Variants in MAPK10 observed in about 807,000 individuals in gnomAD.
The protein encoded by MAPK10 is JNK3 alpha protein kinase.
A neutral mutation model predicts 59.3 loss-of-function variants in MAPK10; 25 were observed. The observed-to-expected ratio is 0.42, with a 90% CI of 0.31 to 0.59. The LOEUF is 0.59. MAPK10 is among the 20% of genes least tolerant of loss of function. The pLI, the probability that MAPK10 is intolerant of heterozygous loss-of-function variation, is 0.15. For synonymous variants in MAPK10, 190 were observed against 200.5 expected (o/e 0.95, Z 0.44); for missense variants, 351 against 568.9 (o/e 0.62, Z 3.90).
At chr4:86,168,514 C>T (rs1037723674) in intron 3 of MAPK10, among the ~76,000 whole-genome samples, 1 of 152,214 alleles carries the variant, frequency 6.6e-6, no homozygotes, top group African/African-American at 2.4e-5. Context: ...GGGGGAGAGG[C>T]GCCCGCCATT....
At chr4:86,053,681 T>C (rs1249975302) in intron 11 of MAPK10, among the ~76,000 whole-genome samples, 1 of 152,168 alleles carries the variant, frequency 6.6e-6, no homozygotes, top group Non-Finnish European at 1.5e-5. Context: ...AAAATATATA[T>C]TTTTTTCTCC....
At chr4:86,457,107 TC>T (rs574087333), upstream of MAPK10, among the ~76,000 whole-genome samples, 1,056 of 152,260 alleles carry the variant, frequency 6.9e-3, 10 homozygotes, top group African/African-American at 0.023. Flanking sequence ...AAATCTAGCA[TC>T]CCTTTATGAT....
At chr4:86,417,763 T>C (rs1746033261) in intron 1 of MAPK10, among the ~76,000 whole-genome samples, 2 of 152,244 alleles carry the variant, frequency 1.3e-5, no homozygotes, top group Non-Finnish European at 2.9e-5. Context: ...AGGCAGTTCC[T>C]GCTGCCCCAC....
At chr4:86,373,596 A>C (rs1437315083) in intron 1 of MAPK10, among the ~76,000 whole-genome samples, 1 of 152,248 alleles carries the variant, frequency 6.6e-6, no homozygotes, top group African/African-American at 2.4e-5. Flanking sequence ...TGGGTGAAGG[A>C]TATGAACAGA....
chr4:86,079,889 T>G (rs2050272771), intron 9 of MAPK10: 1 of 152,100 alleles, frequency 6.6e-6, no homozygotes, highest in Non-Finnish European at 1.5e-5. Flanking sequence ...GATATTTAAA[T>G]TTAAAAAGGA....
intron 2 of MAPK10, among the ~76,000 whole-genome samples, chr4:86,232,916 G>A (rs1363214603): frequency 1.5e-5 from 2 of 129,144 alleles, no homozygotes; most frequent in Non-Finnish European, 3.1e-5. Context: ...AGGTATGGAG[G>A]TATGTCATGG....
At chr4:86,480,297 T>TC (rs1753496537) in intron 1 of MAPK10, among the ~76,000 whole-genome samples, 1 of 148,400 alleles carries the variant, frequency 6.7e-6, no homozygotes, top group African/African-American at 2.4e-5. Flanking sequence ...CTCAAAAATC[T>TC]CCCCCACTGA....
chr4:86,320,933 C>A (rs2095876413), intron 2 of MAPK10, among the ~76,000 whole-genome samples: 1 of 151,772 alleles, frequency 6.6e-6, no homozygotes, highest in South Asian at 2.1e-4. Context: ...AGGACATGAA[C>A]AGACACTTCT....
chr4:86,520,011 T>C (rs1454661937), intron 1 of MAPK10, among the ~76,000 whole-genome samples: 1 of 152,232 alleles, frequency 6.6e-6, no homozygotes, highest in East Asian at 1.9e-4. Context: ...TTTTCCTTTA[T>C]AAGTTACCTG....
chr4:86,339,554 C>T (rs904458429), intron 2 of MAPK10, among the ~76,000 whole-genome samples: 1 of 152,146 alleles, frequency 6.6e-6, no homozygotes, highest in Non-Finnish European at 1.5e-5. Flanking sequence ...TTTTCTTTTC[C>T]AAATATATTC....
At chr4:86,127,140 C>T (rs2060198128) in intron 4 of MAPK10, among the ~76,000 whole-genome samples, 1 of 144,494 alleles carries the variant, frequency 6.9e-6, no homozygotes, top group Non-Finnish European at 1.5e-5. Context: ...AGTAACACAA[C>T]ATGAATAAAA....
chr4:86,406,702 A>G (rs1351493079), intron 1 of MAPK10, among the ~76,000 whole-genome samples: 1 of 152,208 alleles, frequency 6.6e-6, no homozygotes, highest in East Asian at 1.9e-4. Context: ...GGCCAGCAAA[A>G]GAGACATGGG....
intron 1 of MAPK10, among the ~76,000 whole-genome samples, chr4:86,367,836 T>C (rs1738168477): frequency 6.6e-6 from 1 of 152,038 alleles, no homozygotes; most frequent in Non-Finnish European, 1.5e-5. Context: ...TCGCCAAACA[T>C]CAGTCATCAT....
At position 86,503,107 on chromosome 4, in the gene MAPK10, GC is replaced by G. The variant is rs558176847; in HGVS notation, c.-263+90802del. Among the ~76,000 whole-genome samples the G allele has an allele frequency of 8.8e-3, 1,338 of 152,216 alleles. 6 individuals are homozygous for G. Among genetic ancestry groups the G allele is most frequent in the Non-Finnish European group, 0.014 (956 of 67,978 alleles). On this transcript the variant is annotated intron_variant, in intron 1 of 4. Coordinates refer to the MAPK10 transcript ENST00000502302. ...CAACCTAGATGTCTAGCATTTCAAA[GC>G]CATGTCATCCAAAGTTAAGGGTATC...
intron 1 of MAPK10, among the ~76,000 whole-genome samples, chr4:86,413,462 A>T (rs1169325454): frequency 6.6e-6 from 1 of 152,122 alleles, no homozygotes; most frequent in African/African-American, 2.4e-5. Flanking sequence ...AGGGACATTT[A>T]AGTCTGCAGA....
intron 11 of MAPK10, among the ~76,000 whole-genome samples, chr4:86,047,211 A>G (rs2042658484): frequency 6.6e-6 from 1 of 152,094 alleles, no homozygotes; most frequent in Non-Finnish European, 1.5e-5. Flanking sequence ...TTACACACGA[A>G]TGTGTGTTAC....
At chr4:86,567,722 A>G (rs1031728448) in intron 1 of MAPK10, among the ~76,000 whole-genome samples, 1 of 152,200 alleles carries the variant, frequency 6.6e-6, no homozygotes, top group East Asian at 1.9e-4. Context: ...AGATTCACTG[A>G]CATACGGAGA....
At chr4:86,592,007 GACTTT>G (rs1763079775) in intron 1 of MAPK10, among the ~76,000 whole-genome samples, 2 of 151,756 alleles carry the variant, frequency 1.3e-5, no homozygotes, top group Admixed American at 1.3e-4. Flanking sequence ...AATGATGCTG[GACTTT>G]ACAAAATCCT....
At chr4:86,473,046 A>G (rs1384427147) in intron 1 of MAPK10, among the ~76,000 whole-genome samples, 1 of 152,210 alleles carries the variant, frequency 6.6e-6, no homozygotes, top group Non-Finnish European at 1.5e-5. Flanking sequence ...CAAGACTCCA[A>G]GAACCTGGAC....
Sources: gnomAD v4.1 joint callset for allele counts (sites outside exome capture counted in the v4.1 genomes callset) on GRCh38, gnomAD v4.1.1 for gene constraint, MANE v1.5 for transcripts, NCBI Gene and HGNC (gene_info 2026-07-23, HGNC 2026-07-21) for gene names.